The following CCDC88A variants were observed in gnomAD, a reference collection of about 807,000 sequenced individuals.
CCDC88A encodes coiled-coil and HOOK domain protein 88A.
A neutral mutation model predicts 234.3 loss-of-function variants in CCDC88A; 54 were observed. The ratio of observed to expected loss-of-function variants is 0.23; its 90% CI spans 0.19 to 0.29. The LOEUF is 0.29. Among genes scored for constraint, CCDC88A ranks in the 10% least tolerant of loss-of-function variants. The probability of loss-of-function intolerance (pLI) is 1.00; values close to 1 mark genes in which losing one functional copy is unlikely to be tolerated. For synonymous variants in CCDC88A, 753 were observed against 737.8 expected, an observed-to-expected ratio of 1.02 and a Z score of -0.33; for missense variants, 1,832 against 2,123.4, an observed-to-expected ratio of 0.86 and a Z score of 2.70.
Position 55,362,373 on chromosome 2 carries a change from G to T in CCDC88A, c.562C>A (p.Pro188Thr), listed in dbSNP as rs1481985104. The T allele has an allele frequency of 3.1e-6, 5 of 1,599,762 alleles. No individual in the cohort carries two copies. The highest frequency in any genetic ancestry group is 2.7e-5 in the African/African-American group (2 of 73,768). Residue 188 changes from proline to threonine, a missense_variant, in exon 7 of 33, where the codon CCA (proline) becomes ACA (threonine). This residue lies in a region of CCDC88A where 1,282 missense variants were observed against 1,543.6 expected (regional missense o/e 0.83). Transcript: ENST00000436346. ...TGCAATGCCATATTTTTCAAGAGTG[G>T]TTCTATGTCCTCCTGCGACATATCA... ...VTDMSQEDIEPLLKNMALHLK... is the reference protein window; with the variant it reads ...VTDMSQEDIETLLKNMALHLK...
chr2:55,366,534 TACACACAC>T (rs201666406), intron 5 of CCDC88A, among the ~76,000 whole-genome samples: 7,585 of 127,696 alleles, frequency 0.059, 221 homozygotes, highest in African/African-American at 0.089. Context: ...CACACACACA[TACACACAC>T]ACACACACAC....
intron 6 of CCDC88A, chr2:55,363,477 C>T (rs568774383): frequency 1.3e-5 from 2 of 152,042 alleles, no homozygotes; most frequent in African/African-American, 4.8e-5. Context: ...GCACAATATG[C>T]CCTAGACTTA....
chr2:55,312,190 T>TAAA (rs1682432322), intron 23 of CCDC88A, among the ~76,000 whole-genome samples: 1 of 152,218 alleles, frequency 6.6e-6, no homozygotes, highest in African/African-American at 2.4e-5. Context: ...ACTTCCATTA[T>TAAA]AGAATTACTG....
intron 18 of CCDC88A, among the ~76,000 whole-genome samples, chr2:55,319,969 T>C (rs1449211462): frequency 3.3e-5 from 5 of 152,122 alleles, no homozygotes; most frequent in Non-Finnish European, 7.4e-5. Flanking sequence ...TAACATTAAT[T>C]TTATTGGCTT....
chr2:55,356,246 G>A (rs1308998039), intron 7 of CCDC88A: 1 of 152,232 alleles, frequency 6.6e-6, no homozygotes, highest in East Asian at 1.9e-4. Flanking sequence ...GAGAACCTGT[G>A]GTGTTTGCTT....
intron 31 of CCDC88A, chr2:55,295,387 C>G: frequency 6.5e-7 from 1 of 1,544,384 alleles, no homozygotes; most frequent in Non-Finnish European, 8.7e-7. Context: ...CCTATGCTAT[C>G]TTTTGCCAAC....
At chr2:55,351,551 G>A (rs1049669811) in intron 8 of CCDC88A, among the ~76,000 whole-genome samples, 6 of 152,104 alleles carry the variant, frequency 3.9e-5, no homozygotes, top group Admixed American at 2.0e-4. Context: ...TCCCTGTGTT[G>A]CCCAGGCTGG....
chr2:55,388,968 CTTT>C, intron 2 of CCDC88A, 82 bp from the exon 3 acceptor site: 1 of 373,214 alleles, frequency 2.7e-6, no homozygotes, highest in Non-Finnish European at 4.7e-6. Flanking sequence ...TCATATAATA[CTTT>C]TTTATTTAAA....
intron 3 of CCDC88A, among the ~76,000 whole-genome samples, chr2:55,375,753 C>T (rs926783955): frequency 1.3e-5 from 2 of 151,716 alleles, no homozygotes; most frequent in African/African-American, 2.4e-5. Flanking sequence ...GTCATGAACT[C>T]CTGACCTCAA....
At chr2:55,406,811 C>A (rs188161671) in intron 2 of CCDC88A, among the ~76,000 whole-genome samples, 2 of 151,976 alleles carry the variant, frequency 1.3e-5, no homozygotes, top group Non-Finnish European at 2.9e-5. Context: ...ACTAAACCAA[C>A]TTCCGTGGTC....
intron 3 of CCDC88A, among the ~76,000 whole-genome samples, chr2:55,386,605 G>C (rs1326807207): frequency 6.6e-6 from 1 of 151,870 alleles, no homozygotes; most frequent in Admixed American, 6.6e-5. Flanking sequence ...CTGAGTAGCT[G>C]AGATTACAGG....
At chr2:55,385,077 AAT>A (rs1675370240) in intron 3 of CCDC88A, among the ~76,000 whole-genome samples, 1 of 152,006 alleles carries the variant, frequency 6.6e-6, no homozygotes, top group Non-Finnish European at 1.5e-5. Flanking sequence ...CCCCCCAAAA[AAT>A]GAGTTCACAA....
chr2:55,382,951 C>T lies in CCDC88A; in HGVS notation c.273+5827G>A, dbSNP rs185855532. Among the ~76,000 whole-genome samples the T allele has an allele frequency of 1.8e-3, 278 of 152,128 alleles. 2 individuals carry two copies. Among genetic ancestry groups the T allele is most frequent in the Middle Eastern group, 3.4e-3 (1 of 294 alleles). ...CCATGAAAATAGGGACATGGTATGT[C>T]CTATGCACCACTGTAGCACCAGTAC... On this transcript the variant is annotated intron_variant, in intron 3 of 32. Coordinates refer to ENST00000436346, the MANE Select transcript of CCDC88A (RefSeq NM_001365480.1).
At chr2:55,296,173 C>CA (rs5831349) in intron 30 of CCDC88A, 85 bp downstream of exon 30, 231 of 1,390,374 alleles carry the variant, frequency 1.7e-4, no homozygotes, top group South Asian at 7.0e-4. Context: ...CTTAACTTAC[C>CA]AAAAAAAAAA....
At chr2:55,339,810 T>C in intron 12 of CCDC88A, 162 bp from the exon 13 acceptor site, 1 of 542,148 alleles carries the variant, frequency 1.8e-6, no homozygotes, top group Non-Finnish European at 3.0e-6. Context: ...ATAAAAGAAG[T>C]AAATCTTTTT....
chr2:55,341,523 C>T (rs961560024), intron 12 of CCDC88A, among the ~76,000 whole-genome samples: 1 of 151,292 alleles, frequency 6.6e-6, no homozygotes, highest in African/African-American at 2.4e-5. Context: ...CAGCTCACTG[C>T]AACTTCTGCC....
chr2:55,299,144 C>T (rs146427010), intron 29 of CCDC88A, among the ~76,000 whole-genome samples: 5,263 of 133,208 alleles, frequency 0.04, 275 homozygotes, highest in African/African-American at 0.18. Flanking sequence ...GTGGAGGTTA[C>T]AGTGAGCTGA....
intron 23 of CCDC88A, 130 bp downstream of exon 23, chr2:55,312,304 G>T: frequency 1.4e-6 from 1 of 714,994 alleles, no homozygotes; most frequent in Non-Finnish European, 2.3e-6. Flanking sequence ...AATAGTGCCT[G>T]GAATATAAGC....
intron 7 of CCDC88A, 198 bp downstream of exon 7, chr2:55,362,110 G>GA (rs1328802424): frequency 9.5e-6 from 4 of 420,296 alleles, no homozygotes; most frequent in Non-Finnish European, 1.7e-5. Flanking sequence ...AAGGAGAAGA[G>GA]AAAACCTAAC....
Sources: allele counts gnomAD v4.1 joint callset (sites outside exome capture counted in the v4.1 genomes callset), GRCh38; gene constraint gnomAD v4.1.1; regional missense constraint gnomAD v4.1.1; transcripts MANE v1.5; gene names NCBI Gene and HGNC (gene_info 2026-07-23, HGNC 2026-07-21).